GALNT10: variants seen among roughly 807,000 people sequenced by gnomAD.
The protein encoded by GALNT10 is polypeptide N-acetylgalactosaminyltransferase 10.
GALNT10 carries 41 observed loss-of-function variants against 75.0 expected under a neutral mutation model. The observed-to-expected ratio is 0.55, with a 90% CI of 0.43 to 0.71. The LOEUF (loss-of-function observed/expected upper bound fraction) is 0.71. GALNT10 is among the 30% of genes least tolerant of loss of function. GALNT10 has a pLI of 0.00. For missense variants in GALNT10, 727 were observed against 818.5 expected (o/e 0.89, Z 1.36); for synonymous variants, 302 against 313.0 (o/e 0.96, Z 0.37).
chr5:154,303,624 A>ATTCT (rs1754390917), intron 3 of GALNT10, among the ~76,000 whole-genome samples: 1 of 152,222 alleles, frequency 6.6e-6, no homozygotes, highest in African/African-American at 2.4e-5. Flanking sequence ...AGTACTTAGA[A>ATTCT]GAGTTTTGCC....
At chr5:154,260,429 G>A (rs963389120) in intron 1 of GALNT10, among the ~76,000 whole-genome samples, 2 of 152,190 alleles carry the variant, frequency 1.3e-5, no homozygotes, top group Non-Finnish European at 2.9e-5. Flanking sequence ...CATCTGCCCC[G>A]TGCCTGGCAA....
intron 4 of GALNT10, among the ~76,000 whole-genome samples, chr5:154,354,382 G>T (rs1301635852): frequency 6.6e-6 from 1 of 152,196 alleles, no homozygotes; most frequent in Non-Finnish European, 1.5e-5. Flanking sequence ...TCTCTTCACA[G>T]TAGTGCCAAC....
intron 3 of GALNT10, among the ~76,000 whole-genome samples, chr5:154,322,763 C>A (rs1158580187): frequency 1.3e-5 from 2 of 152,196 alleles, no homozygotes; most frequent in Non-Finnish European, 2.9e-5. Context: ...TCCTGAGACT[C>A]CCCCTCCTGC....
At chr5:154,228,908 T>A (rs986944415) in intron 1 of GALNT10, among the ~76,000 whole-genome samples, 16 of 152,256 alleles carry the variant, frequency 1.1e-4, no homozygotes, top group Admixed American at 5.9e-4. Flanking sequence ...TGATTATTTC[T>A]TACTTTCTTG....
intron 3 of GALNT10, among the ~76,000 whole-genome samples, chr5:154,315,815 C>T (rs1754587224): frequency 6.6e-6 from 1 of 152,226 alleles, no homozygotes; most frequent in Admixed American, 6.5e-5. Context: ...ACCTGATCAG[C>T]ATATAAATTC....
At chr5:154,315,043 C>T (rs547449569) in intron 3 of GALNT10, among the ~76,000 whole-genome samples, 1 of 152,094 alleles carries the variant, frequency 6.6e-6, no homozygotes, top group South Asian at 2.1e-4. Context: ...GTGTCTATGA[C>T]CTGGAAGTCC....
intron 1 of GALNT10, among the ~76,000 whole-genome samples, chr5:154,196,417 G>A (rs1743460222): frequency 1.3e-5 from 2 of 152,176 alleles, no homozygotes; most frequent in African/African-American, 2.4e-5. Flanking sequence ...AGCCATGTGG[G>A]CTGAAATGAG....
At chr5:154,290,102 T>C (rs910201901) in intron 1 of GALNT10, among the ~76,000 whole-genome samples, 6 of 150,940 alleles carry the variant, frequency 4.0e-5, no homozygotes, top group African/African-American at 1.2e-4. Flanking sequence ...TTTTTTTTTT[T>C]TTTTTTTGAG....
intron 4 of GALNT10, among the ~76,000 whole-genome samples, chr5:154,360,025 A>G (rs72795420): frequency 0.095 from 14,439 of 152,154 alleles, 880 homozygotes; most frequent in Middle Eastern, 0.15. Flanking sequence ...CACCATGAGC[A>G]TACGTAAAGA....
At chr5:154,344,975 C>T (rs1346910026) in intron 4 of GALNT10, among the ~76,000 whole-genome samples, 4 of 152,194 alleles carry the variant, frequency 2.6e-5, no homozygotes, top group Non-Finnish European at 4.4e-5. Context: ...CAGTCATAGC[C>T]CCCGAGTCCA....
At chr5:154,200,004 A>G (rs1775002112) in intron 1 of GALNT10, among the ~76,000 whole-genome samples, 1 of 152,210 alleles carries the variant, frequency 6.6e-6, no homozygotes, top group Admixed American at 6.5e-5. Flanking sequence ...CTAGGAAGTG[A>G]TGGAAACAGG....
At chr5:154,343,038 G>A (rs1378015735) in intron 4 of GALNT10, among the ~76,000 whole-genome samples, 2 of 151,992 alleles carry the variant, frequency 1.3e-5, no homozygotes, top group African/African-American at 4.8e-5. Context: ...TGAAATATGA[G>A]AGCAGAGGTT....
chr5:154,206,414 A>C (rs1020189073), intron 1 of GALNT10, among the ~76,000 whole-genome samples: 1 of 152,236 alleles, frequency 6.6e-6, no homozygotes, highest in Admixed American at 6.5e-5. Flanking sequence ...GATACAAAAA[A>C]CAGCCGCTGC....
Position 154,412,774 on chromosome 5 carries a change from T to G in GALNT10, c.1387-115T>G. ...CCCAGGGCAAGCTTTATCAAGACGA[T>G]TTGAAGGTTAATCCAGCTAATGTCT... On this transcript the variant is annotated intron_variant, in intron 9 of 11. Coordinates refer to ENST00000297107, the MANE Select transcript of GALNT10 (RefSeq NM_198321.4). This position sits in a 1 kb window ranked among gnomAD's most constrained non-coding sequence, Gnocchi z 4.2. 1.3e-6 allele frequency: 1 copy of G among 780,650 alleles called. No individual in the cohort carries two copies. Among genetic ancestry groups the G allele is most frequent in the Non-Finnish European group, 2.3e-6 (1 of 436,932 alleles). 48.4% of individuals were successfully genotyped at this position (780,650 alleles called of 1,614,324 possible).
At chr5:154,259,479 T>G (rs1218773001) in intron 1 of GALNT10, among the ~76,000 whole-genome samples, 1 of 152,180 alleles carries the variant, frequency 6.6e-6, no homozygotes. Context: ...ATAGGTATCT[T>G]TTTTGGAGGT....
chr5:154,222,449 A>G (rs1300789598), intron 1 of GALNT10, among the ~76,000 whole-genome samples: 3 of 152,152 alleles, frequency 2.0e-5, no homozygotes, highest in African/African-American at 7.2e-5. Context: ...GTCTTTGTGT[A>G]TATATATGTT....
chr5:154,286,729 T>C (rs1754117873), intron 1 of GALNT10, among the ~76,000 whole-genome samples: 1 of 152,198 alleles, frequency 6.6e-6, no homozygotes, highest in African/African-American at 2.4e-5. Flanking sequence ...AAGGGCCAGA[T>C]TTCAGATTTC....
intron 1 of GALNT10, among the ~76,000 whole-genome samples, chr5:154,217,055 T>G (rs1752884466): frequency 6.6e-6 from 1 of 152,230 alleles, no homozygotes; most frequent in African/African-American, 2.4e-5. Flanking sequence ...GCTTAGAGAT[T>G]TGTTGAGCCA....
chr5:154,338,516 A>T (rs1754980548), intron 4 of GALNT10: 7 of 200,142 alleles, frequency 3.5e-5, no homozygotes, highest in East Asian at 1.3e-4. Flanking sequence ...GAAAGCTACA[A>T]TTTTTTTTTT....
Sources: gnomAD v4.1 joint callset for allele counts (sites outside exome capture counted in the v4.1 genomes callset) on GRCh38, gnomAD v4.1.1 for gene constraint, Gnocchi (gnomAD v3.1) non-coding constraint, MANE v1.5 for transcripts, NCBI Gene and HGNC (gene_info 2026-07-23, HGNC 2026-07-21) for gene names.